Variants in ZNF518B observed in about 807,000 individuals in gnomAD.
The protein encoded by ZNF518B is zinc finger protein 518B.
In ZNF518B, 23 loss-of-function variants were observed where a neutral mutation model predicts 56.3. The ratio of observed to expected loss-of-function variants is 0.41; its 90% CI spans 0.29 to 0.58. ZNF518B has a LOEUF of 0.58. ZNF518B is among the 20% of genes least tolerant of loss of function. The pLI, the probability that ZNF518B is intolerant of heterozygous loss-of-function variation, is 0.32. For synonymous variants in ZNF518B, 529 were observed against 465.9 expected (o/e 1.14, Z -1.74); for missense variants, 1,460 against 1,272.1 (o/e 1.15, Z -2.25).
chr4:10,445,981 G>T lies in ZNF518B; in HGVS notation c.348C>A (p.Asn116Lys), dbSNP rs118087450. The T allele has an allele frequency of 4.3e-6, 7 of 1,614,158 alleles. No homozygotes were observed. In the East Asian group the frequency reaches 1.1e-4, roughly 26 times the overall value. ...SATHVGNKTE[N>K]FSSSVNSKFK... is the part of the protein sequence containing the mutation. ...ATTTGCTATTGACAGAACTTGAGAA[G>T]TTTTCAGTTTTATTTCCAACATGAG... The change falls in exon 3 of 3, where the codon AAC becomes AAA. Residue 116 changes from asparagine to lysine, a missense_variant. Coordinates refer to ENST00000326756, the MANE Select transcript of ZNF518B (RefSeq NM_053042.3).
intron 2 of ZNF518B, among the ~76,000 whole-genome samples, chr4:10,449,035 TATC>T (rs1461601852): frequency 1.7e-4 from 26 of 152,334 alleles, no homozygotes; most frequent in African/African-American, 5.8e-4. Context: ...TCACACACTT[TATC>T]ATCTAAAGAA....
chr4:10,446,193 G>C lies in ZNF518B; in HGVS notation c.136C>G (p.Gln46Glu), dbSNP rs555098704. The C allele has an allele frequency of 4.1e-5, 66 of 1,614,054 alleles. No homozygotes were observed. Among genetic ancestry groups the C allele is most frequent in the Non-Finnish European group, 5.4e-5 (64 of 1,180,048 alleles). ...NRQEAQTLLY[Q>E]GSEAEAAMMT... ...ATGGCAGCCTCTGCCTCTGAGCCTTGATACAAAAGGGTTTGTGCTTCTTGT... is the reference window on the plus strand; with the variant it reads ...ATGGCAGCCTCTGCCTCTGAGCCTTCATACAAAAGGGTTTGTGCTTCTTGT... The change falls in exon 3 of 3, where the codon CAA becomes GAA. Residue 46 changes from glutamine to glutamate, a missense_variant. Gln to Glu is a conservative substitution (Grantham distance 29). Transcript: ENST00000326756.
rs1372584628 is a variant in ZNF518B at position 10,440,626 on chromosome 4, A to T, written c.*2478T>A. The stretch of plus-strand genomic sequence containing the variant: ...CAGAAACACTTTTAATTCCTTAAAA[A>T]GTATTCTAGTTCTGAAAATCCTAAA... On this transcript the variant is annotated 3_prime_UTR_variant, in exon 3 of 3. Transcript: ENST00000326756. The T allele has an allele frequency of 6.6e-6, 1 of 152,476 alleles. No homozygotes were observed. Among genetic ancestry groups the T allele is most frequent in the African/African-American group, 2.4e-5 (1 of 41,462 alleles). 9.4% of individuals were successfully genotyped at this position (152,476 alleles called of 1,614,324 possible).
At chr4:10,459,156 A>G (rs912933643), upstream of ZNF518B, among the ~76,000 whole-genome samples, 1 of 152,230 alleles carries the variant, frequency 6.6e-6, no homozygotes, top group Admixed American at 6.5e-5. Context: ...ATTAAACAAG[A>G]GAAAGCAAGT....
chr4:10,445,228 T>G lies in ZNF518B; in HGVS notation c.1101A>C (p.Glu367Asp), dbSNP rs1289395290. Residue 367 changes from glutamate (E) to aspartate (D), a missense_variant, in exon 3 of 3, where the codon GAA (glutamate) becomes GAC (aspartate). Physicochemically the swap from Glu to Asp is conservative, Grantham distance 45 (BLOSUM62 2). Coordinates refer to ENST00000326756, the MANE Select transcript of ZNF518B (RefSeq NM_053042.3). ...QQLVLKLFPL[E>D]ENNCLEAGRD... ...TCCCAGCTTCAAGGCAATTATTTTC[T>G]TCCAGCGGAAACAGTTTCAGAACAA... The G allele has an allele frequency of 6.2e-7, 1 of 1,614,238 alleles. No homozygotes were observed. The highest frequency in any genetic ancestry group is 1.1e-5 in the South Asian group (1 of 91,082).
rs1353710292 is a variant in ZNF518B, at chr4:10,445,756, C to T, written c.573G>A (p.Gln191=). Residue 191 remains glutamine (Q), a synonymous_variant, in exon 3 of 3, where the codon CAG becomes CAA. Transcript: ENST00000326756. ...LVKHTGIFPY[Q]CEYCDYGAIR... ...TAGCACCATAGTCACAATACTCACA[C>T]TGATAAGGAAATATGCCTGTGTGTT... The T allele has an allele frequency of 6.2e-7, 1 of 1,614,228 alleles. No individual in the cohort carries two copies. Among genetic ancestry groups the T allele is most frequent in the South Asian group, 1.1e-5 (1 of 91,088 alleles).
At position 10,444,585 on chromosome 4, in the gene ZNF518B, C is replaced by A; in HGVS notation, c.1744G>T (p.Ala582Ser). ...QEDNQTEEHK[A>S]VSTVGQISSQ... ...GAAATCTGGCCTACAGTTGAAACTG[C>A]CTTGTGTTCCTCTGTCTGGTTATCT... Residue 582 changes from alanine (A) to serine (S), a missense_variant, in exon 3 of 3, where the codon GCA (alanine) becomes TCA (serine). Coordinates refer to ENST00000326756, the MANE Select transcript of ZNF518B (RefSeq NM_053042.3). 2.5e-6 allele frequency: 4 copies of A among 1,613,868 alleles called. No individual in the cohort carries two copies. Among genetic ancestry groups the A allele is most frequent in the Non-Finnish European group, 3.4e-6 (4 of 1,179,784 alleles).
In ZNF518B at chr4:10,444,732, A is replaced by G; in HGVS notation, c.1597T>C (p.Ser533Pro). The G allele has an allele frequency of 1.2e-6, 2 of 1,614,098 alleles. No individual in the cohort carries two copies. Among genetic ancestry groups the G allele is most frequent in the Non-Finnish European group, 8.5e-7 (1 of 1,179,962 alleles). Residue 533 changes from serine to proline, a missense_variant, in exon 3 of 3, where the codon TCA becomes CCA. Coordinates refer to ENST00000326756, the MANE Select transcript of ZNF518B (RefSeq NM_053042.3). ...CCAGAGAAGGAACAGGTTGCAGGTG[A>G]TGCAGCAAATGGGAGTAACTGCTGT... The part of the protein sequence containing the change: ...SSQQLLPFAA[S>P]PATCSFSGEK...
intron 2 of ZNF518B, among the ~76,000 whole-genome samples, chr4:10,448,568 T>C (rs537221579): frequency 1.3e-5 from 2 of 152,174 alleles, no homozygotes; most frequent in African/African-American, 4.8e-5. Flanking sequence ...ATTTCCAGCA[T>C]GAAATCAAGC....
intron 1 of ZNF518B, among the ~76,000 whole-genome samples, chr4:10,456,154 G>A (rs376781713): frequency 6.6e-6 from 1 of 151,616 alleles, no homozygotes; most frequent in Non-Finnish European, 1.5e-5. Context: ...GTTTAGCTAC[G>A]TAGATTTGTA....
In ZNF518B at chr4:10,454,973, C is replaced by T. The variant is rs1455788388; in HGVS notation, c.-380G>A. 3 of 152,278 alleles carry T rather than the reference C, an allele frequency of 2.0e-5. No individual in the cohort carries two copies. The highest frequency in any genetic ancestry group is 4.4e-5 in the Non-Finnish European group (3 of 68,102). 9.4% of individuals were successfully genotyped at this position (152,278 alleles called of 1,614,324 possible). A position where few individuals can be genotyped will look rare whatever the true frequency, so the allele number is the denominator to read the frequency against. The stretch of plus-strand genomic sequence containing the variant: ...ATCAGAACCCTGGGCGTCAGCAAGG[C>T]GCTGCACAAAGAGGCCTGCAACAGA... On this transcript the variant is annotated 5_prime_UTR_variant, in exon 2 of 3. Coordinates refer to ENST00000326756, the MANE Select transcript of ZNF518B (RefSeq NM_053042.3).
upstream of ZNF518B, among the ~76,000 whole-genome samples, chr4:10,460,587 G>A (rs1715717442): frequency 6.6e-6 from 1 of 152,138 alleles, no homozygotes; most frequent in Non-Finnish European, 1.5e-5. Flanking sequence ...AGGAAGAAAA[G>A]GAAAGGCAGT....
upstream of ZNF518B, among the ~76,000 whole-genome samples, chr4:10,459,603 G>A (rs1715680027): frequency 6.6e-6 from 1 of 152,290 alleles, no homozygotes; most frequent in South Asian, 2.1e-4. Context: ...TATCCAATGT[G>A]AATGGTGTCC....
In ZNF518B at chr4:10,442,031, G is replaced by GAT. The variant is rs1484815330; in HGVS notation, c.*1072_*1073insAT. 6.6e-6 allele frequency: 1 copy of GAT among 152,254 alleles called. No individual in the cohort carries two copies. The highest frequency in any genetic ancestry group is 1.5e-5 in the Non-Finnish European group (1 of 68,052). The allele number at this position is 152,254 out of a possible 1,614,324, so 9.4% of individuals were successfully genotyped here. Reference sequence around the variant, plus strand: ...GGGGTCTCAAAGGCACAGAAAGGAAGAAACAGTGGGCAAGGAAGTTGTGCT... The same window carrying GAT: ...GGGGTCTCAAAGGCACAGAAAGGAAGATAAACAGTGGGCAAGGAAGTTGTGCT... On this transcript the variant is annotated 3_prime_UTR_variant, in exon 3 of 3. Transcript: ENST00000326756.
intron 1 of ZNF518B, among the ~76,000 whole-genome samples, chr4:10,456,847 G>A (rs1715555334): frequency 6.6e-6 from 1 of 152,148 alleles, no homozygotes; most frequent in Admixed American, 6.5e-5. Flanking sequence ...GACGGTAGGA[G>A]CCCTCGGAGG....
At chr4:10,450,127 A>T (rs1476503907) in intron 2 of ZNF518B, among the ~76,000 whole-genome samples, 1 of 152,236 alleles carries the variant, frequency 6.6e-6, no homozygotes, top group Non-Finnish European at 1.5e-5. Flanking sequence ...AGAGTCTTGG[A>T]GAGGCCTCTG....
intron 1 of ZNF518B, among the ~76,000 whole-genome samples, chr4:10,456,358 G>A (rs1419735734): frequency 1.3e-5 from 2 of 151,904 alleles, no homozygotes; most frequent in African/African-American, 2.4e-5. Context: ...TCATTCTTTT[G>A]AACCCTGCAA....
In ZNF518B at chr4:10,444,266, T is replaced by C. The variant is rs1243615543; in HGVS notation, c.2063A>G (p.His688Arg). 3.3e-5 allele frequency: 53 copies of C among 1,614,092 alleles called. No homozygotes were observed. In the East Asian group the frequency reaches 1.1e-3, roughly 33 times the overall value. The change falls in exon 3 of 3, where the codon CAT becomes CGT. Residue 688 changes from histidine to arginine, a missense_variant. Coordinates refer to ENST00000326756, the MANE Select transcript of ZNF518B (RefSeq NM_053042.3). ...TGATGCCTGCCCTACAGAGCGACGA[T>C]GTGCACTATTTGAAGCCAAAGATGA... is the stretch of plus-strand genomic sequence containing the variant. ...KPSSLASNSA[H>R]RRSVGQASKG... is the part of the protein sequence containing the mutation.
In ZNF518B at chr4:10,444,284, A is replaced by C. The variant is rs529134486; in HGVS notation, c.2045T>G (p.Leu682Trp). ...GCGACGATGTGCACTATTTGAAGCC[A>C]AAGATGACGGCTTCCCACAGGACTC... The part of the protein sequence containing the change: ...LIESCGKPSS[L>W]ASNSAHRRSV... The change falls in exon 3 of 3, where the codon TTG becomes TGG. Residue 682 changes from leucine (L) to tryptophan (W), a missense_variant. Coordinates refer to ENST00000326756, the MANE Select transcript of ZNF518B (RefSeq NM_053042.3). 2 of 1,614,212 alleles carry C rather than the reference A, an allele frequency of 1.2e-6. No homozygotes were observed. The highest frequency in any genetic ancestry group is 8.5e-7 in the Non-Finnish European group (1 of 1,180,030).
Sources: allele counts gnomAD v4.1 joint callset (sites outside exome capture counted in the v4.1 genomes callset), GRCh38; gene constraint gnomAD v4.1.1; transcripts MANE v1.5; gene names NCBI Gene and HGNC (gene_info 2026-07-23, HGNC 2026-07-21).